The following LHFPL2 variants were observed in gnomAD, a reference collection of about 807,000 sequenced individuals.
LHFPL2 encodes LHFPL tetraspan subfamily member 2 protein.
In LHFPL2, 7 loss-of-function variants were observed where a neutral mutation model predicts 17.5. The observed-to-expected ratio is 0.40, with a 90% CI of 0.23 to 0.75. LHFPL2 has a LOEUF of 0.75. LHFPL2 is among the 30% of genes least tolerant of loss of function. The pLI is 0.37. For synonymous variants in LHFPL2, 134 were observed against 116.2 expected, an observed-to-expected ratio of 1.15 and a Z score of -0.99; for missense variants, 241 against 294.8, an observed-to-expected ratio of 0.82 and a Z score of 1.34.
At chr5:78,578,337 G>A (rs1248715836) in intron 2 of LHFPL2, among the ~76,000 whole-genome samples, 1 of 152,138 alleles carries the variant, frequency 6.6e-6, no homozygotes, top group Non-Finnish European at 1.5e-5. Flanking sequence ...ATAACCTCAG[G>A]GGCTGGGAAG....
chr5:78,510,287 G>A lies in LHFPL2; in HGVS notation c.-74C>T, dbSNP rs1253674191. 8.6e-6 allele frequency: 12 copies of A among 1,402,816 alleles called. No homozygotes were observed. The African/African-American group carries it at 1.3e-4, about 15-fold the overall frequency. The allele number at this position is 1,402,816 out of a possible 1,614,324, so 86.9% of individuals were successfully genotyped here. On this transcript the variant is annotated 5_prime_UTR_variant, in exon 4 of 5. Transcript: ENST00000380345. Reference sequence around the variant, plus strand: ...AAACAAGAAAGTCGGTGGGGAAGGAGGCTCGGGCGGCCCGGGAAGGAAGTC... The same window carrying A: ...AAACAAGAAAGTCGGTGGGGAAGGAAGCTCGGGCGGCCCGGGAAGGAAGTC...
intron 2 of LHFPL2, among the ~76,000 whole-genome samples, chr5:78,604,295 T>C (rs1183191023): frequency 1.4e-5 from 2 of 144,672 alleles, no homozygotes; most frequent in African/African-American, 2.6e-5. Flanking sequence ...CTGGCCAACA[T>C]GGCGAAACCC....
At chr5:78,515,327 T>C (rs1339279487) in intron 3 of LHFPL2, among the ~76,000 whole-genome samples, 1 of 124,170 alleles carries the variant, frequency 8.1e-6, no homozygotes, top group African/African-American at 3.4e-5. Flanking sequence ...CTAGTTGTCC[T>C]ACAAAATACT....
intron 3 of LHFPL2, among the ~76,000 whole-genome samples, chr5:78,539,261 G>A (rs1457413821): frequency 1.3e-5 from 2 of 152,154 alleles, no homozygotes; most frequent in Non-Finnish European, 2.9e-5. Context: ...ACCACTGCTG[G>A]CACCTTGGTC....
intron 2 of LHFPL2, among the ~76,000 whole-genome samples, chr5:78,565,427 T>C (rs1756834012): frequency 6.6e-6 from 1 of 152,194 alleles, no homozygotes; most frequent in African/African-American, 2.4e-5. Flanking sequence ...TAAGAACTTA[T>C]TAATGATTAG....
intron 2 of LHFPL2, among the ~76,000 whole-genome samples, chr5:78,569,172 C>A (rs1191773825): frequency 6.6e-6 from 1 of 152,100 alleles, no homozygotes; most frequent in Non-Finnish European, 1.5e-5. Flanking sequence ...GAGGCAAATA[C>A]CAAAGCAAGA....
chr5:78,578,681 A>T (rs903694934), intron 2 of LHFPL2, among the ~76,000 whole-genome samples: 1 of 152,176 alleles, frequency 6.6e-6, no homozygotes, highest in Non-Finnish European at 1.5e-5. Flanking sequence ...GCCTAGAGAC[A>T]TGTACTTTAC....
At chr5:78,612,726 A>G (rs1744462798) in intron 2 of LHFPL2, among the ~76,000 whole-genome samples, 1 of 152,194 alleles carries the variant, frequency 6.6e-6, no homozygotes, top group Non-Finnish European at 1.5e-5. Context: ...GCTCCAGTAA[A>G]CAGCGACAAC....
intron 3 of LHFPL2, among the ~76,000 whole-genome samples, chr5:78,520,431 C>T (rs1755418621): frequency 6.6e-6 from 1 of 152,218 alleles, no homozygotes; most frequent in Non-Finnish European, 1.5e-5. Flanking sequence ...TCACCACTGT[C>T]ACTTTCAGCT....
chr5:78,614,123 A>C (rs1227702547), intron 2 of LHFPL2, among the ~76,000 whole-genome samples: 1 of 152,218 alleles, frequency 6.6e-6, no homozygotes, highest in Admixed American at 6.5e-5. Flanking sequence ...ACACGAGTTA[A>C]TGAAAGGGTT....
chr5:78,560,109 A>G (rs1756685033), intron 3 of LHFPL2, among the ~76,000 whole-genome samples: 1 of 152,240 alleles, frequency 6.6e-6, no homozygotes, highest in African/African-American at 2.4e-5. Context: ...CTACAGAGGA[A>G]CAGAATGACA....
At chr5:78,604,111 C>T (rs1744126047) in intron 2 of LHFPL2, among the ~76,000 whole-genome samples, 1 of 152,170 alleles carries the variant, frequency 6.6e-6, no homozygotes, top group Admixed American at 6.5e-5. Flanking sequence ...TATAATAACA[C>T]TAAATATTTT....
chr5:78,488,978 AGAG>A lies in LHFPL2; in HGVS notation c.603_605del (p.Ser202del). On this transcript the variant is annotated inframe_deletion, in exon 5 of 5. Transcript: ENST00000380345. Reference sequence around the variant, plus strand: ...TAGAGGTTGCAATTTCTGCTTGTGCAGAGAAGACAGCACAGATGAAAGTGAGGA... The same window carrying A: ...TAGAGGTTGCAATTTCTGCTTGTGCAAAGACAGCACAGATGAAAGTGAGGA... The A allele has an allele frequency of 1.2e-6, 2 of 1,614,168 alleles. No individual in the cohort carries two copies. Among genetic ancestry groups the A allele is most frequent in the Non-Finnish European group, 1.7e-6 (2 of 1,180,002 alleles).
intron 2 of LHFPL2, among the ~76,000 whole-genome samples, chr5:78,586,903 C>G (rs1476876211): frequency 6.6e-6 from 1 of 152,122 alleles, no homozygotes; most frequent in African/African-American, 2.4e-5. Flanking sequence ...TTGGAATAGT[C>G]TTTTTAATTC....
intron 3 of LHFPL2, among the ~76,000 whole-genome samples, chr5:78,544,330 G>A (rs1470799762): frequency 1.3e-5 from 2 of 152,172 alleles, no homozygotes; most frequent in Non-Finnish European, 2.9e-5. Flanking sequence ...TCTATTGCAC[G>A]ACACCTCAGA....
intron 3 of LHFPL2, among the ~76,000 whole-genome samples, chr5:78,532,010 C>A (rs1755798860): frequency 6.6e-6 from 1 of 151,892 alleles, no homozygotes; most frequent in African/African-American, 2.4e-5. Context: ...CTGCAACCTC[C>A]ACCTCTCAGG....
intron 4 of LHFPL2, among the ~76,000 whole-genome samples, chr5:78,508,717 A>G (rs2112319573): frequency 6.6e-6 from 1 of 152,314 alleles, no homozygotes; most frequent in South Asian, 2.1e-4. Context: ...ATTTTGAAGA[A>G]TCCTGTGCAC....
chr5:78,505,015 T>C (rs1014631168), intron 4 of LHFPL2, among the ~76,000 whole-genome samples: 13 of 152,228 alleles, frequency 8.5e-5, no homozygotes, highest in African/African-American at 2.7e-4. Flanking sequence ...CCCTGTGGAA[T>C]AGGCCCAGCC....
intron 2 of LHFPL2, among the ~76,000 whole-genome samples, chr5:78,612,606 G>C (rs1254547909): frequency 6.6e-6 from 1 of 152,196 alleles, no homozygotes; most frequent in Non-Finnish European, 1.5e-5. Context: ...AAAATAATTT[G>C]GCTGAAAGAG....
Sources: gnomAD v4.1 joint callset for allele counts (sites outside exome capture counted in the v4.1 genomes callset) on GRCh38, gnomAD v4.1.1 for gene constraint, MANE v1.5 for transcripts, NCBI Gene and HGNC (gene_info 2026-07-23, HGNC 2026-07-21) for gene names.